The following KLF12 variants were observed in gnomAD, a reference collection of about 807,000 sequenced individuals.
The protein encoded by KLF12 is KLF transcription factor 12.
A neutral mutation model predicts 37.8 loss-of-function variants in KLF12; 9 were observed. That is an observed-to-expected ratio of 0.24 (90% CI 0.14 to 0.42). The LOEUF (loss-of-function observed/expected upper bound fraction) is 0.42. Among genes scored for constraint, KLF12 ranks in the 10% least tolerant of loss-of-function variants. The pLI is 1.00. For missense variants in KLF12, 411 were observed against 516.0 expected (o/e 0.80, Z 1.97); for synonymous variants, 208 against 202.1 (o/e 1.03, Z -0.25).
At chr13:74,135,058 G>A (rs950611541), upstream of KLF12, among the ~76,000 whole-genome samples, 2 of 151,396 alleles carry the variant, frequency 1.3e-5, no homozygotes, top group South Asian at 4.2e-4. Flanking sequence ...CCCGCGCGCC[G>A]GTGGGGCGGG....
intron 1 of KLF12, among the ~76,000 whole-genome samples, chr13:74,131,019 C>A (rs757835226): frequency 6.6e-6 from 1 of 152,158 alleles, no homozygotes; most frequent in Non-Finnish European, 1.5e-5. Flanking sequence ...TAACAATATG[C>A]CTTCACTGGG....
chr13:73,914,170 T>C lies in KLF12; in HGVS notation c.123+29811A>G, dbSNP rs1888703047. The stretch of plus-strand genomic sequence containing the variant: ...ACCTTAAACCCTATTTTCTGACTTA[T>C]TTCTGATATCTGCTCCTGATCCCTT... On this transcript the variant is annotated intron_variant, in intron 3 of 7. Coordinates refer to ENST00000377669, the MANE Select transcript of KLF12 (RefSeq NM_007249.5). 3.9e-5 allele frequency among the ~76,000 whole-genome samples: 6 copies of C among 152,216 alleles called. No individual in the cohort carries two copies. The South Asian group carries it at 1.2e-3, about 32-fold the overall frequency.
At chr13:73,713,570 T>C (rs979425995) in intron 7 of KLF12, among the ~76,000 whole-genome samples, 1 of 152,234 alleles carries the variant, frequency 6.6e-6, no homozygotes, top group Admixed American at 6.5e-5. Context: ...AAGTCCATTC[T>C]GACCCTTAGA....
chr13:73,845,757 G>T, intron 4 of KLF12, 70 bp downstream of exon 4: 1 of 1,404,920 alleles, frequency 7.1e-7, no homozygotes, highest in Non-Finnish European at 9.8e-7. Context: ...TACAATTTAG[G>T]TTTTGTTCAC....
intron 1 of KLF12, among the ~76,000 whole-genome samples, chr13:74,132,936 C>G (rs1423586259): frequency 6.6e-6 from 1 of 152,198 alleles, no homozygotes; most frequent in Non-Finnish European, 1.5e-5. Flanking sequence ...TCGCGGAGGT[C>G]AAGTCTGAAC....
At chr13:74,178,331 G>A in the KLF12 span, among the ~76,000 whole-genome samples, 1 of 151,482 alleles carries the variant, frequency 6.6e-6, no homozygotes, top group African/African-American at 2.5e-5. Context: ...GTTTTTGTTT[G>A]TTTGTTTGTT....
rs538922341 is a variant in KLF12 at position 74,056,564 on chromosome 13, G to C, written c.-31-61511C>G. On this transcript the variant is annotated intron_variant, in intron 1 of 7. Transcript: ENST00000377669. ...TGAAGAGCTCCCTGCACAGAGGGGA[G>C]AAGTAAAACTTATCTAAGTATTTGC... Among the ~76,000 whole-genome samples the C allele has an allele frequency of 3.3e-5, 5 of 152,314 alleles. No individual in the cohort carries two copies. The South Asian group carries it at 1.0e-3, about 32-fold the overall frequency.
At chr13:73,777,502 A>G (rs567483140) in intron 5 of KLF12, among the ~76,000 whole-genome samples, 1 of 152,226 alleles carries the variant, frequency 6.6e-6, no homozygotes, top group African/African-American at 2.4e-5. Context: ...TGAGGTTGGG[A>G]GTTCAAGACC....
intron 3 of KLF12, among the ~76,000 whole-genome samples, chr13:73,866,894 G>A (rs909506105): frequency 6.7e-6 from 1 of 148,388 alleles, no homozygotes; most frequent in African/African-American, 2.5e-5. Context: ...AAGGGGGGGG[G>A]GAATTTATAG....
At chr13:73,939,744 A>G (rs1234968576) in intron 3 of KLF12, among the ~76,000 whole-genome samples, 1 of 152,184 alleles carries the variant, frequency 6.6e-6, no homozygotes, top group Non-Finnish European at 1.5e-5. Context: ...GAGTAGGATT[A>G]AAGGAGAGAG....
intron 6 of KLF12, among the ~76,000 whole-genome samples, chr13:73,738,248 G>A (rs1343267032): frequency 7.3e-5 from 11 of 150,852 alleles, no homozygotes; most frequent in Admixed American, 6.0e-4. Flanking sequence ...GGGTTCAAGC[G>A]ATTCTCCTGC....
chr13:74,080,199 G>A (rs905015984), intron 1 of KLF12, among the ~76,000 whole-genome samples: 1 of 152,180 alleles, frequency 6.6e-6, no homozygotes, highest in African/African-American at 2.4e-5. Context: ...TTCTTTGAGA[G>A]GCCAAGGCTG....
the KLF12 span, among the ~76,000 whole-genome samples, chr13:74,218,517 A>G: frequency 1.4e-3 from 214 of 152,286 alleles, 1 homozygote; most frequent in African/African-American, 4.8e-3. Flanking sequence ...CCAGGTTCAC[A>G]TGGTTTGAGT....
At chr13:74,133,184 G>A (rs1039261061) in intron 1 of KLF12, among the ~76,000 whole-genome samples, 6 of 152,112 alleles carry the variant, frequency 3.9e-5, no homozygotes, top group African/African-American at 1.2e-4. Flanking sequence ...CACTATTCAT[G>A]CCAGCAGTGT....
intron 1 of KLF12, among the ~76,000 whole-genome samples, chr13:74,021,969 T>A (rs1037226551): frequency 2.0e-5 from 3 of 152,150 alleles, no homozygotes; most frequent in Non-Finnish European, 4.4e-5. Context: ...GTGATGGTCA[T>A]CAGGAGGGTA....
chr13:74,245,321 C>A, the KLF12 span, among the ~76,000 whole-genome samples: 4 of 151,384 alleles, frequency 2.6e-5, no homozygotes, highest in East Asian at 7.7e-4. Context: ...ATCTATCTAT[C>A]TATCTATCTA....
the KLF12 span, among the ~76,000 whole-genome samples, chr13:74,281,303 T>C: frequency 6.6e-6 from 1 of 152,208 alleles, no homozygotes; most frequent in Non-Finnish European, 1.5e-5. Context: ...AGTTTTGCAC[T>C]GACTGTCATC....
At chr13:74,243,788 A>G in the KLF12 span, among the ~76,000 whole-genome samples, 1 of 152,172 alleles carries the variant, frequency 6.6e-6, no homozygotes, top group African/African-American at 2.4e-5. Context: ...GGGTTTTGAA[A>G]TGCAGTTAAG....
intron 1 of KLF12, among the ~76,000 whole-genome samples, chr13:74,021,262 C>T (rs1892834346): frequency 6.6e-6 from 1 of 152,036 alleles, no homozygotes. Context: ...AGGCATTTGA[C>T]TCAATAGCAT....
Sources: gnomAD v4.1 joint callset for allele counts (sites outside exome capture counted in the v4.1 genomes callset) on GRCh38, gnomAD v4.1.1 for gene constraint, MANE v1.5 for transcripts, NCBI Gene and HGNC (gene_info 2026-07-23, HGNC 2026-07-21) for gene names.